Variants in FOXP1 observed in about 807,000 individuals in gnomAD.
FOXP1 encodes forkhead box P1.
In FOXP1, 15 loss-of-function variants were observed where a neutral mutation model predicts 98.2. The observed-to-expected ratio is 0.15, with a 90% confidence interval of 0.10 to 0.24. The LOEUF (loss-of-function observed/expected upper bound fraction) is 0.24. Among genes scored for constraint, FOXP1 ranks in the 10% least tolerant of loss-of-function variants. The pLI, the probability that FOXP1 is intolerant of heterozygous loss-of-function variation, is 1.00. For missense variants in FOXP1, 633 were observed against 848.5 expected (o/e 0.75, Z 3.15); for synonymous variants, 371 against 314.5 (o/e 1.18, Z -1.90).
intron 20 of FOXP1, among the ~76,000 whole-genome samples, chr3:70,962,619 A>G (rs2033808451): frequency 6.6e-6 from 1 of 152,180 alleles, no homozygotes; most frequent in Admixed American, 6.5e-5. Flanking sequence ...CAACTTCATA[A>G]ATTACTGAAA....
intron 4 of FOXP1, chr3:71,329,934 T>C (rs2076196949): frequency 6.6e-6 from 1 of 152,172 alleles, no homozygotes; most frequent in African/African-American, 2.4e-5. Flanking sequence ...ATGCCAGACA[T>C]AGTGGCTTGT....
At chr3:71,376,262 A>AACCT (rs2079702848) in intron 3 of FOXP1, among the ~76,000 whole-genome samples, 3 of 152,162 alleles carry the variant, frequency 2.0e-5, no homozygotes, top group Non-Finnish European at 2.9e-5. Context: ...AGTAAGGCCC[A>AACCT]GAAGCAGCTA....
intron 3 of FOXP1, among the ~76,000 whole-genome samples, chr3:71,476,431 G>A (rs903558729): frequency 1.3e-5 from 2 of 151,578 alleles, no homozygotes; most frequent in Non-Finnish European, 2.9e-5. Context: ...TCTTTCATTT[G>A]ATGGTGGATG....
chr3:71,559,619 A>G lies in FOXP1; in HGVS notation c.-298+21930T>C, dbSNP rs141287801. 3.4e-3 allele frequency among the ~76,000 whole-genome samples: 513 copies of G among 152,270 alleles called. 4 individuals carry two copies. Among genetic ancestry groups the G allele is most frequent in the Non-Finnish European group, 5.7e-3 (389 of 68,020 alleles). The stretch of plus-strand genomic sequence containing the variant: ...AACACTTTGGGAGGCTGAAGCAGGG[A>G]CAGATCACTTGAGCCTAGAAGTCTG... On this transcript the variant is annotated intron_variant, in intron 2 of 20. Coordinates refer to ENST00000649528, the MANE Select transcript of FOXP1 (RefSeq NM_001349338.3).
intron 4 of FOXP1, among the ~76,000 whole-genome samples, chr3:71,347,778 G>A (rs941614365): frequency 6.6e-6 from 1 of 151,908 alleles, no homozygotes; most frequent in Non-Finnish European, 1.5e-5. Flanking sequence ...CCAGCTACTC[G>A]GAGGGCTGAG....
At chr3:71,222,226 C>G (rs1190667376) in intron 5 of FOXP1, among the ~76,000 whole-genome samples, 2 of 152,078 alleles carry the variant, frequency 1.3e-5, no homozygotes, top group African/African-American at 4.8e-5. Flanking sequence ...GGGCGGAACC[C>G]TGGAGGCAGC....
rs891308553 is a variant in FOXP1, at chr3:71,095,097, T to C, written c.282+17439A>G. Reference sequence around the variant, plus strand: ...CCAAAGCCAGCCTTAGAAATAGAGCTGCGTAGGCAGCGAAATATTTATTTT... The same window carrying C: ...CCAAAGCCAGCCTTAGAAATAGAGCCGCGTAGGCAGCGAAATATTTATTTT... On this transcript the variant is annotated intron_variant, in intron 7 of 20. Coordinates refer to ENST00000649528, the MANE Select transcript of FOXP1 (RefSeq NM_001349338.3). 9.2e-5 allele frequency among the ~76,000 whole-genome samples: 14 copies of C among 152,398 alleles called. No individual in the cohort carries two copies. In the East Asian group the frequency reaches 2.7e-3, roughly 29 times the overall value.
intron 13 of FOXP1, among the ~76,000 whole-genome samples, chr3:70,995,502 T>C (rs1212697011): frequency 6.6e-6 from 1 of 152,230 alleles, no homozygotes; most frequent in African/African-American, 2.4e-5. Flanking sequence ...GATGAAATCT[T>C]ACTGCATTCC....
At chr3:71,366,039 A>G (rs1381473917) in intron 3 of FOXP1, among the ~76,000 whole-genome samples, 1 of 152,194 alleles carries the variant, frequency 6.6e-6, no homozygotes, top group Non-Finnish European at 1.5e-5. Context: ...TAGGAGCTAC[A>G]TGTCCAGTGA....
intron 3 of FOXP1, among the ~76,000 whole-genome samples, chr3:71,446,375 C>T (rs2086446222): frequency 6.6e-6 from 1 of 151,996 alleles, no homozygotes; most frequent in Non-Finnish European, 1.5e-5. Flanking sequence ...AGAGAAAAAG[C>T]ATGTTCAAGA....
At chr3:71,220,151 T>C (rs1324858555) in intron 5 of FOXP1, among the ~76,000 whole-genome samples, 1 of 152,220 alleles carries the variant, frequency 6.6e-6, no homozygotes, top group African/African-American at 2.4e-5. Flanking sequence ...TCTGAATGTT[T>C]ACCTGTAAGC....
At chr3:71,255,836 C>T (rs1160907923) in intron 5 of FOXP1, among the ~76,000 whole-genome samples, 2 of 152,058 alleles carry the variant, frequency 1.3e-5, no homozygotes, top group Non-Finnish European at 2.9e-5. Flanking sequence ...GGCAAACTTC[C>T]CCACAAACTA....
chr3:71,087,255 T>A (rs2055220965), intron 7 of FOXP1, among the ~76,000 whole-genome samples: 1 of 152,190 alleles, frequency 6.6e-6, no homozygotes, highest in Non-Finnish European at 1.5e-5. Flanking sequence ...AGCTCAGTTC[T>A]TTGTTGGGTG....
chr3:71,227,816 C>T (rs1413120426), intron 5 of FOXP1, among the ~76,000 whole-genome samples: 1 of 151,780 alleles, frequency 6.6e-6, no homozygotes, highest in Non-Finnish European at 1.5e-5. Flanking sequence ...TGCTATTCAT[C>T]GGCAAGATTT....
At chr3:71,228,604 C>T (rs1196835738) in intron 5 of FOXP1, among the ~76,000 whole-genome samples, 1 of 152,138 alleles carries the variant, frequency 6.6e-6, no homozygotes, top group African/African-American at 2.4e-5. Context: ...ATGACATTTC[C>T]AGCAATTCCC....
intron 6 of FOXP1, among the ~76,000 whole-genome samples, chr3:71,192,234 T>A (rs1245018393): frequency 1.3e-5 from 2 of 152,180 alleles, no homozygotes; most frequent in African/African-American, 4.8e-5. Context: ...AGCCACCTTT[T>A]TCAAAGAAAA....
chr3:70,979,837 T>C (rs2038495635), intron 14 of FOXP1, among the ~76,000 whole-genome samples: 1 of 149,012 alleles, frequency 6.7e-6, no homozygotes, highest in Admixed American at 6.7e-5. Context: ...TTCAGGAGAG[T>C]TTCATAAAAA....
chr3:71,571,253 C>G (rs1431977365), intron 2 of FOXP1: 1 of 152,040 alleles, frequency 6.6e-6, no homozygotes, highest in Non-Finnish European at 1.5e-5. Flanking sequence ...TTTAAGTAAA[C>G]CATTACTAAG....
At chr3:71,480,654 G>A (rs1440782267) in intron 3 of FOXP1, among the ~76,000 whole-genome samples, 1 of 152,198 alleles carries the variant, frequency 6.6e-6, no homozygotes, top group East Asian at 1.9e-4. Context: ...AAGACGAACA[G>A]CTGAAGGAGC....
Sources: allele counts gnomAD v4.1 joint callset (sites outside exome capture counted in the v4.1 genomes callset), GRCh38; gene constraint gnomAD v4.1.1; transcripts MANE v1.5; gene names NCBI Gene and HGNC (gene_info 2026-07-23, HGNC 2026-07-21).